Variants in RIMS2 observed in about 807,000 individuals in gnomAD.
RIMS2 encodes regulating synaptic membrane exocytosis 2.
In RIMS2, 59 loss-of-function variants were observed where a neutral mutation model predicts 174.4. The observed-to-expected ratio is 0.34, with a 90% CI of 0.27 to 0.42. The LOEUF (loss-of-function observed/expected upper bound fraction) is 0.42. Among genes scored for constraint, RIMS2 ranks in the 10% least tolerant of loss-of-function variants. RIMS2 has a pLI of 1.00. For missense variants in RIMS2, 1,620 were observed against 1,666.3 expected, an observed-to-expected ratio of 0.97 and a Z score of 0.48; for synonymous variants, 606 against 572.5, an observed-to-expected ratio of 1.06 and a Z score of -0.84.
chr8:103,948,491 A>G (rs1029042937), intron 14 of RIMS2, among the ~76,000 whole-genome samples: 1 of 152,236 alleles, frequency 6.6e-6, no homozygotes, highest in Non-Finnish European at 1.5e-5. Context: ...TCTATATATA[A>G]CAAGAAAGAA....
intron 3 of RIMS2, among the ~76,000 whole-genome samples, chr8:103,829,834 A>G (rs1323738225): frequency 2.0e-5 from 3 of 152,148 alleles, no homozygotes; most frequent in African/African-American, 7.2e-5. Flanking sequence ...CTGCACATGT[A>G]CCCCCAAACC....
chr8:103,838,061 C>T (rs970956698), intron 3 of RIMS2, among the ~76,000 whole-genome samples: 2 of 151,986 alleles, frequency 1.3e-5, no homozygotes, highest in African/African-American at 4.8e-5. Flanking sequence ...ATTCTACCGC[C>T]TCAGGCCCCC....
At chr8:103,839,493 G>A (rs999173393) in intron 3 of RIMS2, among the ~76,000 whole-genome samples, 4 of 152,032 alleles carry the variant, frequency 2.6e-5, no homozygotes, top group Admixed American at 1.3e-4. Context: ...CTAGGATATG[G>A]TTTTCTTACT....
chr8:103,531,086 T>A (rs986151876), intron 1 of RIMS2, among the ~76,000 whole-genome samples: 6 of 151,390 alleles, frequency 4.0e-5, no homozygotes, highest in Non-Finnish European at 7.4e-5. Flanking sequence ...AGATAAAAAA[T>A]TAGTAAAACT....
chr8:103,563,637 A>G (rs1253762198), intron 1 of RIMS2, among the ~76,000 whole-genome samples: 1 of 152,162 alleles, frequency 6.6e-6, no homozygotes, highest in Non-Finnish European at 1.5e-5. Flanking sequence ...ACCCAGTTCC[A>G]AAGTCACTTC....
At chr8:103,975,593 T>C (rs1252733736) in intron 16 of RIMS2, 87 bp downstream of exon 18, 2 of 868,328 alleles carry the variant, frequency 2.3e-6, no homozygotes, top group Admixed American at 5.3e-5. Flanking sequence ...TATATGTATA[T>C]ACGAAAGGGA....
intron 1 of RIMS2, among the ~76,000 whole-genome samples, chr8:103,687,476 G>A (rs2096956398): frequency 1.3e-5 from 2 of 151,858 alleles, no homozygotes; most frequent in African/African-American, 4.8e-5. Context: ...ATTGTGGAAT[G>A]ATTCAATCCA....
intron 2 of RIMS2, among the ~76,000 whole-genome samples, chr8:103,703,642 CT>C (rs57721806): frequency 0.12 from 18,893 of 151,738 alleles, 1,274 homozygotes; most frequent in Middle Eastern, 0.22. Context: ...GATACTTTTC[CT>C]TTTTTTTGGT....
At chr8:104,177,837 T>C (rs1268767450) in intron 19 of RIMS2, among the ~76,000 whole-genome samples, 1 of 152,164 alleles carries the variant, frequency 6.6e-6, no homozygotes, top group East Asian at 1.9e-4. Context: ...AAATTAACAT[T>C]TGCTAATTAT....
At chr8:104,213,255 G>C (rs1382704196) in intron 19 of RIMS2, among the ~76,000 whole-genome samples, 1 of 152,066 alleles carries the variant, frequency 6.6e-6, no homozygotes, top group Non-Finnish European at 1.5e-5. Flanking sequence ...AGGTTGCAGT[G>C]AGCCGAGATC....
chr8:104,131,609 G>C (rs1352982414), intron 19 of RIMS2, among the ~76,000 whole-genome samples: 1 of 152,098 alleles, frequency 6.6e-6, no homozygotes, highest in Non-Finnish European at 1.5e-5. Flanking sequence ...GATGGTAAGT[G>C]GTTGGAAGCA....
At chr8:104,098,587 T>C (rs2097802397) in intron 19 of RIMS2, among the ~76,000 whole-genome samples, 1 of 152,212 alleles carries the variant, frequency 6.6e-6, no homozygotes, top group South Asian at 2.1e-4. Flanking sequence ...GGAATTATCA[T>C]TGCTCTTTTT....
chr8:103,669,135 A>G (rs1003604617), intron 1 of RIMS2, among the ~76,000 whole-genome samples: 39 of 152,254 alleles, frequency 2.6e-4, no homozygotes, highest in Non-Finnish European at 5.3e-4. Flanking sequence ...GTGGGAGGCA[A>G]AAGGCACATC....
chr8:104,021,283 G>T (rs1299392367), intron 19 of RIMS2, among the ~76,000 whole-genome samples: 1 of 152,036 alleles, frequency 6.6e-6, no homozygotes, highest in Non-Finnish European at 1.5e-5. Context: ...TGATTTAAAA[G>T]ATAATGTAAC....
At position 103,653,809 on chromosome 8, in the gene RIMS2, T is replaced by C. The variant is rs79335576; in HGVS notation, c.177-43277T>C. On this transcript the variant is annotated intron_variant, in intron 1 of 23. Coordinates refer to ENST00000504942, the Ensembl canonical transcript of RIMS2. ...ACTCTTCCTAATAGTTAATATGTAG[T>C]TCTCAAATTGGAACTTCTCCTGTAC... 6.1e-3 allele frequency among the ~76,000 whole-genome samples: 936 copies of C among 152,236 alleles called. 12 individuals carry two copies. The highest frequency in any genetic ancestry group is 0.021 in the African/African-American group (886 of 41,564).
At chr8:104,004,512 G>T (rs896976964) in intron 17 of RIMS2, among the ~76,000 whole-genome samples, 1 of 104,702 alleles carries the variant, frequency 9.6e-6, no homozygotes, top group African/African-American at 2.8e-5. Context: ...AGGATGGTGA[G>T]GGGGGAAAAA....
At chr8:103,992,855 G>A (rs964179820) in intron 17 of RIMS2, among the ~76,000 whole-genome samples, 6 of 152,062 alleles carry the variant, frequency 3.9e-5, no homozygotes, top group Admixed American at 2.0e-4. Flanking sequence ...CCATTCCACC[G>A]CTTTTTATAC....
At chr8:103,629,789 A>G (rs1299509671) in intron 1 of RIMS2, among the ~76,000 whole-genome samples, 1 of 152,134 alleles carries the variant, frequency 6.6e-6, no homozygotes, top group Non-Finnish European at 1.5e-5. Flanking sequence ...GCTCAATAGC[A>G]GGACAAGATG....
rs573542467 is a variant in RIMS2 at position 103,860,803 on chromosome 8, A to G, written c.699-24495A>G. Among the ~76,000 whole-genome samples the G allele has an allele frequency of 3.0e-4, 45 of 151,626 alleles. No individual in the cohort carries two copies. In the East Asian group the frequency reaches 3.9e-3, roughly 13 times the overall value. ...GTAAAATAATGTTTTTTTTTTCCCT[A>G]CAAAATAATTTTAATACTTTGTGCC... On this transcript the variant is annotated intron_variant, in intron 3 of 23. Coordinates refer to ENST00000504942, the Ensembl canonical transcript of RIMS2.
Sources: gnomAD v4.1 joint callset for allele counts (sites outside exome capture counted in the v4.1 genomes callset) on GRCh38, gnomAD v4.1.1 for gene constraint, MANE v1.5 for transcripts, NCBI Gene and HGNC (gene_info 2026-07-23, HGNC 2026-07-21) for gene names.